Variants in ASIC2 observed in about 807,000 individuals in gnomAD.
ASIC2 encodes acid-sensing ion channel 2.
Under a neutral mutation model 57.3 loss-of-function variants are expected in ASIC2, and 25 were observed. The observed-to-expected ratio is 0.44, with a 90% CI of 0.32 to 0.61. The LOEUF (loss-of-function observed/expected upper bound fraction) is 0.61. ASIC2 is among the 20% of genes least tolerant of loss of function. The pLI, the probability that ASIC2 is intolerant of heterozygous loss-of-function variation, is 0.06. For missense variants in ASIC2, 641 were observed against 738.1 expected, an observed-to-expected ratio of 0.87 and a Z score of 1.52; for synonymous variants, 319 against 307.5, an observed-to-expected ratio of 1.04 and a Z score of -0.39.
chr17:33,265,968 T>A (rs1909442989), intron 1 of ASIC2, among the ~76,000 whole-genome samples: 1 of 152,176 alleles, frequency 6.6e-6, no homozygotes, highest in African/African-American at 2.4e-5. Flanking sequence ...GCCCCACTCC[T>A]CAGTTCACCT....
intron 1 of ASIC2, among the ~76,000 whole-genome samples, chr17:33,887,678 G>T (rs1914860938): frequency 6.6e-6 from 1 of 152,154 alleles, no homozygotes; most frequent in African/African-American, 2.4e-5. Flanking sequence ...AGGAGTTCTT[G>T]TTAGGAAAAA....
intron 1 of ASIC2, among the ~76,000 whole-genome samples, chr17:33,933,313 TA>T (rs1915985896): frequency 6.6e-6 from 1 of 152,240 alleles, no homozygotes; most frequent in African/African-American, 2.4e-5. Context: ...AAATTCTTAT[TA>T]CTCCCTGACA....
chr17:33,410,687 G>A (rs1187174626), intron 1 of ASIC2, among the ~76,000 whole-genome samples: 2 of 152,138 alleles, frequency 1.3e-5, no homozygotes, highest in Admixed American at 6.5e-5. Flanking sequence ...TTGGACTCTT[G>A]TATTCGTCAA....
chr17:34,043,822 G>A (rs1368234015), intron 1 of ASIC2, among the ~76,000 whole-genome samples: 1 of 152,176 alleles, frequency 6.6e-6, no homozygotes, highest in African/African-American at 2.4e-5. Context: ...AATCCTGGCT[G>A]GTGGCCTTTG....
intron 1 of ASIC2, among the ~76,000 whole-genome samples, chr17:33,446,105 G>A (rs1270074778): frequency 6.6e-6 from 1 of 152,066 alleles, no homozygotes; most frequent in Non-Finnish European, 1.5e-5. Flanking sequence ...CGCTGAAAGA[G>A]ATGGATGGGA....
At chr17:33,478,229 G>GT (rs1844223872) in intron 1 of ASIC2, among the ~76,000 whole-genome samples, 2 of 152,216 alleles carry the variant, frequency 1.3e-5, no homozygotes, top group African/African-American at 4.8e-5. Flanking sequence ...GCTGACAACT[G>GT]GCCAAACTGT....
intron 1 of ASIC2, among the ~76,000 whole-genome samples, chr17:33,992,149 C>G (rs1906018575): frequency 6.6e-6 from 1 of 152,174 alleles, no homozygotes; most frequent in Admixed American, 6.5e-5. Flanking sequence ...TAGAGACCCA[C>G]AAGCTATCCA....
intron 1 of ASIC2, among the ~76,000 whole-genome samples, chr17:33,133,495 T>G (rs1035006200): frequency 6.6e-6 from 1 of 152,220 alleles, no homozygotes; most frequent in Non-Finnish European, 1.5e-5. Flanking sequence ...TCCCCAGAGT[T>G]GCCTTACATG....
At chr17:34,063,000 C>T (rs1909028057) in intron 1 of ASIC2, among the ~76,000 whole-genome samples, 4 of 152,046 alleles carry the variant, frequency 2.6e-5, no homozygotes, top group Admixed American at 2.6e-4. Context: ...AAAGAAGGAA[C>T]CCTCCTTAAT....
At position 34,150,298 on chromosome 17, in the gene ASIC2, G is replaced by C. The variant is rs146934452; in HGVS notation, c.555+5680C>G. Among the ~76,000 whole-genome samples the C allele has an allele frequency of 8.9e-4, 135 of 152,190 alleles. 3 individuals carry two copies. The East Asian group carries it at 0.024, about 27-fold the overall frequency. On this transcript the variant is annotated intron_variant, in intron 1 of 9. Transcript: ENST00000359872. ...CATAAAATTTCAGTTCAACAGGAGAGACAAGCCCAGGAAATCTATTGTACA... is the reference window on the plus strand; with the variant it reads ...CATAAAATTTCAGTTCAACAGGAGACACAAGCCCAGGAAATCTATTGTACA...
chr17:33,863,911 T>TTTG (rs1555567737), intron 1 of ASIC2, among the ~76,000 whole-genome samples: 2 of 110,896 alleles, frequency 1.8e-5, no homozygotes, highest in African/African-American at 6.5e-5. Context: ...TTTTTTTTTT[T>TTTG]TTTGTTTTTG....
chr17:33,422,957 C>A (rs1911096975), intron 1 of ASIC2, among the ~76,000 whole-genome samples: 1 of 152,126 alleles, frequency 6.6e-6, no homozygotes, highest in Admixed American at 6.5e-5. Context: ...GAACTGGGAT[C>A]AACAGAGGTC....
At chr17:33,084,771 C>T (rs73275884) in intron 3 of ASIC2, among the ~76,000 whole-genome samples, 4,620 of 152,240 alleles carry the variant, frequency 0.03, 236 homozygotes, top group African/African-American at 0.1. Flanking sequence ...CTGCCTGTCT[C>T]TGGTGGTCCT....
chr17:33,163,443 T>G (rs532318247), intron 1 of ASIC2, among the ~76,000 whole-genome samples: 1 of 151,846 alleles, frequency 6.6e-6, no homozygotes, highest in Non-Finnish European at 1.5e-5. Context: ...TCTGCTTGCC[T>G]CTCATGAGGC....
intron 1 of ASIC2, among the ~76,000 whole-genome samples, chr17:33,671,925 A>G (rs1414676874): frequency 1.3e-5 from 2 of 152,166 alleles, no homozygotes; most frequent in African/African-American, 4.8e-5. Flanking sequence ...TTCTGTGATC[A>G]TTACCTGTGT....
chr17:33,534,431 C>A, intron 1 of ASIC2: 1 of 152,170 alleles, frequency 6.6e-6, no homozygotes, highest in African/African-American at 2.4e-5. Flanking sequence ...GATTGCCAAA[C>A]AGATCATTTT....
intron 1 of ASIC2, among the ~76,000 whole-genome samples, chr17:33,845,979 G>A (rs902649222): frequency 1.3e-5 from 2 of 152,132 alleles, no homozygotes; most frequent in African/African-American, 4.8e-5. Context: ...TTTCGTATTG[G>A]CGAGGGGACT....
chr17:33,664,495 T>TA (rs1327790719), intron 1 of ASIC2, among the ~76,000 whole-genome samples: 2 of 152,150 alleles, frequency 1.3e-5, no homozygotes, highest in African/African-American at 2.4e-5. Flanking sequence ...GCTGAGAAGA[T>TA]AAAATGAGAA....
intron 1 of ASIC2, among the ~76,000 whole-genome samples, chr17:33,705,734 G>A (rs1489712565): frequency 6.6e-6 from 1 of 152,148 alleles, no homozygotes; most frequent in Admixed American, 6.5e-5. Flanking sequence ...CCTTGGTTTT[G>A]GCTCATTGAA....
Sources: gnomAD v4.1 joint callset for allele counts (sites outside exome capture counted in the v4.1 genomes callset) on GRCh38, gnomAD v4.1.1 for gene constraint, MANE v1.5 for transcripts, NCBI Gene and HGNC (gene_info 2026-07-23, HGNC 2026-07-21) for gene names.